The following HIP1 variants were observed in gnomAD, a reference collection of about 807,000 sequenced individuals.
The protein encoded by HIP1 is huntingtin-interacting protein 1.
A neutral mutation model predicts 147.6 loss-of-function variants in HIP1; 65 were observed. The ratio of observed to expected loss-of-function variants is 0.44; its 90% CI spans 0.36 to 0.54. HIP1 has a LOEUF of 0.54. Ranked by LOEUF, HIP1 falls within the 20% of genes least tolerant of loss-of-function variation. The pLI is 0.00. For synonymous variants in HIP1, 479 were observed against 504.0 expected, an observed-to-expected ratio of 0.95 and a Z score of 0.67; for missense variants, 1,061 against 1,299.6, an observed-to-expected ratio of 0.82 and a Z score of 2.82.
At chr7:75,723,850 T>A (rs1801569644) in intron 1 of HIP1, among the ~76,000 whole-genome samples, 1 of 152,096 alleles carries the variant, frequency 6.6e-6, no homozygotes, top group South Asian at 2.1e-4. Context: ...AAGGTCCTTC[T>A]GCAATCCTCC....
intron 1 of HIP1, among the ~76,000 whole-genome samples, chr7:75,716,521 C>CTTT (rs782680080): frequency 7.7e-6 from 1 of 130,656 alleles, no homozygotes; most frequent in African/African-American, 2.9e-5. Context: ...CGTGCCTGGA[C>CTTT]TTTTTTTTTT....
intron 1 of HIP1, among the ~76,000 whole-genome samples, chr7:75,640,752 CAATAAT>C (rs139850457): frequency 1.2e-3 from 104 of 85,018 alleles, no homozygotes; most frequent in South Asian, 6.8e-3. Flanking sequence ...GACTCCATCT[CAATAAT>C]AATAATAATA....
intron 8 of HIP1, 129 bp downstream of exon 8, chr7:75,573,632 G>A: frequency 1.1e-6 from 1 of 909,766 alleles, no homozygotes; most frequent in African/African-American, 1.7e-5. Context: ...GAAGCTCCGG[G>A]GCCTTTTGGA....
chr7:75,736,480 G>A (rs1194672099), intron 1 of HIP1, among the ~76,000 whole-genome samples: 1 of 151,916 alleles, frequency 6.6e-6, no homozygotes, highest in Non-Finnish European at 1.5e-5. Context: ...ACTTTGGGAG[G>A]CAGAAGCAGA....
At chr7:75,737,384 C>T (rs1554523819) in intron 1 of HIP1, among the ~76,000 whole-genome samples, 1 of 152,064 alleles carries the variant, frequency 6.6e-6, no homozygotes, top group East Asian at 1.9e-4. Flanking sequence ...GCTCTTGTTG[C>T]CCAGGCTGGA....
intron 1 of HIP1, among the ~76,000 whole-genome samples, chr7:75,684,373 G>C (rs537766298): frequency 4.0e-5 from 6 of 150,254 alleles, no homozygotes; most frequent in East Asian, 2.0e-4. Flanking sequence ...GTTTGAACCC[G>C]GGAGGCAGAG....
chr7:75,570,726 G>A (rs1471376505), intron 8 of HIP1, among the ~76,000 whole-genome samples: 1 of 152,036 alleles, frequency 6.6e-6, no homozygotes, highest in Non-Finnish European at 1.5e-5. Context: ...AGAAAAGAGG[G>A]CCAGCTGCAG....
At chr7:75,697,986 A>G (rs1800693556) in intron 1 of HIP1, among the ~76,000 whole-genome samples, 1 of 152,142 alleles carries the variant, frequency 6.6e-6, no homozygotes, top group African/African-American at 2.4e-5. Context: ...AAAGTTTTAT[A>G]ATTTAAAAAA....
At chr7:75,710,445 T>A (rs11767916) in intron 1 of HIP1, among the ~76,000 whole-genome samples, 16,975 of 152,242 alleles carry the variant, frequency 0.11, 1,082 homozygotes, top group East Asian at 0.14. Context: ...ACATCAATGT[T>A]TATAAGGAAT....
At chr7:75,643,936 G>A (rs1370827021) in intron 1 of HIP1, among the ~76,000 whole-genome samples, 5 of 152,268 alleles carry the variant, frequency 3.3e-5, no homozygotes, top group South Asian at 4.2e-4. Context: ...GGAGGCGGAG[G>A]TTGCAGTGAG....
At chr7:75,544,333 T>C (rs1358408749) in intron 27 of HIP1, among the ~76,000 whole-genome samples, 1 of 152,126 alleles carries the variant, frequency 6.6e-6, no homozygotes, top group Non-Finnish European at 1.5e-5. Flanking sequence ...AGCCAAGTAC[T>C]CTCTAACTCC....
intron 8 of HIP1, among the ~76,000 whole-genome samples, chr7:75,571,344 A>T (rs966879681): frequency 2.0e-5 from 3 of 152,178 alleles, no homozygotes; most frequent in Non-Finnish European, 2.9e-5. Flanking sequence ...CAGCACTCTA[A>T]GCAGCTGGTC....
rs148127472 is a variant in HIP1 at position 75,554,489 on chromosome 7, G to A, written c.2001C>T (p.Cys667=). The A allele has an allele frequency of 6.2e-7, 1 of 1,614,002 alleles. No homozygotes were observed. The highest frequency in any genetic ancestry group is 8.5e-7 in the Non-Finnish European group (1 of 1,179,942). The change falls in exon 20 of 31, where the codon TGC becomes TGT. Residue 667 remains cysteine (C), a synonymous_variant. Coordinates refer to ENST00000336926, the MANE Select transcript of HIP1 (RefSeq NM_005338.7). ...TCCAGCTTTTCTCCAGTTGCTCGATGCAGCTGGAAATGGATGTGACCGTGG... is the reference window on the plus strand; with the variant it reads ...TCCAGCTTTTCTCCAGTTGCTCGATACAGCTGGAAATGGATGTGACCGTGG... ...LLSTVTSISS[C]IEQLEKSWSQ...
At chr7:75,673,057 T>C (rs1397775537) in intron 1 of HIP1, among the ~76,000 whole-genome samples, 3 of 149,230 alleles carry the variant, frequency 2.0e-5, no homozygotes, top group African/African-American at 7.5e-5. Flanking sequence ...AGTCTAGCAC[T>C]GTCACCCAGG....
chr7:75,687,560 G>A (rs1476973162), intron 1 of HIP1, among the ~76,000 whole-genome samples: 3 of 152,032 alleles, frequency 2.0e-5, no homozygotes, highest in African/African-American at 7.2e-5. Flanking sequence ...GCTTGGTGGC[G>A]GGCACCTGTA....
Position 75,547,744 on chromosome 7 carries a change from C to A in HIP1, c.2465+11G>T. 6.2e-7 allele frequency: 1 copy of A among 1,612,082 alleles called. No individual in the cohort carries two copies. Among genetic ancestry groups the A allele is most frequent in the Non-Finnish European group, 8.5e-7 (1 of 1,178,150 alleles). On this transcript the variant is annotated intron_variant, in intron 24 of 30. Coordinates refer to ENST00000336926, the MANE Select transcript of HIP1 (RefSeq NM_005338.7). ...TGCTCCCCTAGGTCCCACCATGCCG[C>A]TCAGACCGACCTTTCATTCACCTCC...
chr7:75,586,709 CA>C, intron 5 of HIP1, 43 bp downstream of exon 5: 2 of 1,221,866 alleles, frequency 1.6e-6, no homozygotes, highest in Non-Finnish European at 2.4e-6. Context: ...AGGGATGGAG[CA>C]GGGGAGGCGG....
intron 14 of HIP1, 125 bp downstream of exon 14, chr7:75,559,607 A>T: frequency 2.6e-6 from 2 of 780,522 alleles, no homozygotes; most frequent in South Asian, 1.8e-5. Flanking sequence ...TGGCATTCCT[A>T]GCTGTTTCTA....
At chr7:75,560,701 A>G (rs1406615309) in intron 13 of HIP1, among the ~76,000 whole-genome samples, 3 of 152,068 alleles carry the variant, frequency 2.0e-5, no homozygotes, top group African/African-American at 7.2e-5. Context: ...TAAAATGGAA[A>G]TGCATTATGA....
Sources: allele counts gnomAD v4.1 joint callset (sites outside exome capture counted in the v4.1 genomes callset), GRCh38; gene constraint gnomAD v4.1.1; transcripts MANE v1.5; gene names NCBI Gene and HGNC (gene_info 2026-07-23, HGNC 2026-07-21).